The following PDSS1 variants were observed in gnomAD, a reference collection of about 807,000 sequenced individuals.
PDSS1 encodes the protein decaprenyl diphosphate synthase subunit 1, also known as all trans-polyprenyl-diphosphate synthase PDSS1.
PDSS1 carries 43 observed loss-of-function variants against 57.5 expected under a neutral mutation model. That is an observed-to-expected ratio of 0.75 (90% CI 0.59 to 0.96). The LOEUF (loss-of-function observed/expected upper bound fraction) is 0.96. PDSS1 is among the 50% of genes least tolerant of loss of function. PDSS1 has a pLI of 0.00. For synonymous variants in PDSS1, 175 were observed against 191.3 expected, an observed-to-expected ratio of 0.91 and a Z score of 0.70; for missense variants, 438 against 527.8, an observed-to-expected ratio of 0.83 and a Z score of 1.67.
intron 5 of PDSS1, among the ~76,000 whole-genome samples, chr10:26,719,831 A>C (rs1182264715): frequency 2.6e-5 from 4 of 152,210 alleles, no homozygotes; most frequent in African/African-American, 9.7e-5. Flanking sequence ...AAATACTTTT[A>C]AAAAATGCTT....
intron 6 of PDSS1, among the ~76,000 whole-genome samples, chr10:26,721,046 C>T (rs1304353924): frequency 1.3e-5 from 2 of 152,176 alleles, no homozygotes; most frequent in Admixed American, 1.3e-4. Context: ...TGGCTCATGC[C>T]TGTAATCCCA....
intron 1 of PDSS1, among the ~76,000 whole-genome samples, chr10:26,701,350 A>C (rs1398300746): frequency 2.6e-5 from 4 of 152,242 alleles, no homozygotes; most frequent in African/African-American, 9.6e-5. Context: ...TCTCCAGAGC[A>C]TGTCAGAGAC....
chr10:26,735,200 C>A (rs755480514), intron 8 of PDSS1, 40 bp from the exon 9 acceptor site: 3 of 1,459,992 alleles, frequency 2.1e-6, no homozygotes, highest in East Asian at 4.5e-5. Context: ...TTTGTTGCTG[C>A]CTGGAAGCAG....
chr10:26,735,159 T>G (rs1836348409), intron 8 of PDSS1, 81 bp from the exon 9 acceptor site: 3 of 941,376 alleles, frequency 3.2e-6, no homozygotes, highest in Admixed American at 1.7e-5. Flanking sequence ...CCTCCTATTT[T>G]AAGGAATTCC....
intron 8 of PDSS1, among the ~76,000 whole-genome samples, chr10:26,730,102 T>C (rs970330811): frequency 4.6e-5 from 7 of 151,364 alleles, no homozygotes; most frequent in East Asian, 2.0e-4. Flanking sequence ...TTAGTAGAGA[T>C]GGGGTTTCAT....
In PDSS1 at chr10:26,708,644, CTT is replaced by C. The variant is rs200260443; in HGVS notation, c.337-991_337-990del. ...GGGCCTCTATGAACCCTCAAAATGT[CTT>C]TTGCCAAATAAAGGCCAAGCCAGAT... is the stretch of plus-strand genomic sequence containing the variant. On this transcript the variant is annotated intron_variant, in intron 4 of 11. Transcript: ENST00000376215. Among the ~76,000 whole-genome samples the C allele has an allele frequency of 2.6e-4, 40 of 152,214 alleles. No individual in the cohort carries two copies. In the East Asian group the frequency reaches 7.5e-3, roughly 29 times the overall value.
chr10:26,737,029 A>G (rs1412053644), intron 10 of PDSS1, among the ~76,000 whole-genome samples: 1 of 152,220 alleles, frequency 6.6e-6, no homozygotes, highest in Admixed American at 6.5e-5. Context: ...TTGTTAGTAA[A>G]CATGAGTGAA....
intron 10 of PDSS1, among the ~76,000 whole-genome samples, chr10:26,736,141 T>G (rs565943865): frequency 6.6e-6 from 1 of 152,324 alleles, no homozygotes; most frequent in East Asian, 1.9e-4. Context: ...TAGTTCCTTC[T>G]TTCTCCGGAT....
chr10:26,713,671 T>C (rs529722341), intron 5 of PDSS1, among the ~76,000 whole-genome samples: 1 of 152,248 alleles, frequency 6.6e-6, no homozygotes, highest in South Asian at 2.1e-4. Flanking sequence ...TTGCTAACCA[T>C]GGTGTCTGGG....
chr10:26,744,772 C>T (rs1836760960), intron 11 of PDSS1, among the ~76,000 whole-genome samples: 1 of 152,102 alleles, frequency 6.6e-6, no homozygotes, highest in Non-Finnish European at 1.5e-5. Flanking sequence ...GGCTTCTGTA[C>T]AAAAAGGAAC....
Position 26,723,851 on chromosome 10 carries a change from C to G in PDSS1, c.655C>G (p.Leu219Val), listed in dbSNP as rs1835864444. The G allele has an allele frequency of 2.5e-6, 4 of 1,613,590 alleles. No homozygotes were observed. Among genetic ancestry groups the G allele is most frequent in the African/African-American group, 2.7e-5 (2 of 74,926 alleles). ...AATTCTTTCTGCAGCATCTATAGCT[C>G]TGGCACGAATTGGAAATACAACTGT... ...DLILSAASIA[L>V]ARIGNTTVIS... The change falls in exon 7 of 12, where the codon CTG becomes GTG. Residue 219 changes from leucine to valine, a missense_variant. By Grantham distance (32) the Leu-to-Val change is conservative (BLOSUM62 1). Transcript: ENST00000376215.
intron 4 of PDSS1, 122 bp from the exon 5 acceptor site, chr10:26,709,516 G>A (rs796106572): frequency 7.8e-5 from 73 of 937,386 alleles, no homozygotes; most frequent in East Asian, 4.2e-4. Flanking sequence ...AGCTGAGATC[G>A]TTCCATTGCA....
intron 2 of PDSS1, among the ~76,000 whole-genome samples, chr10:26,703,420 AGG>A (rs1835106003): frequency 2.7e-5 from 1 of 36,748 alleles, no homozygotes; most frequent in Non-Finnish European, 9.0e-5. Context: ...CTGTGGCAGG[AGG>A]ATCACTTTTG....
intron 10 of PDSS1, among the ~76,000 whole-genome samples, chr10:26,736,175 G>A (rs1836392202): frequency 6.6e-6 from 1 of 152,210 alleles, no homozygotes. Context: ...CCCCCTTAAT[G>A]TGAATGAAAG....
intron 6 of PDSS1, among the ~76,000 whole-genome samples, chr10:26,721,104 G>A (rs1588687719): frequency 6.6e-6 from 1 of 152,072 alleles, no homozygotes; most frequent in East Asian, 1.9e-4. Flanking sequence ...TCAGGAGTTC[G>A]AGACCAGCCT....
intron 8 of PDSS1, among the ~76,000 whole-genome samples, chr10:26,731,075 C>T (rs1418072726): frequency 1.3e-5 from 2 of 152,038 alleles, no homozygotes; most frequent in East Asian, 1.9e-4. Context: ...GGCGTGGTGG[C>T]ACACACCTGT....
At chr10:26,721,777 C>T (rs1389468903) in intron 6 of PDSS1, among the ~76,000 whole-genome samples, 2 of 152,192 alleles carry the variant, frequency 1.3e-5, no homozygotes, top group Non-Finnish European at 2.9e-5. Flanking sequence ...TGGTCTCCGC[C>T]TTGGCTAGCC....
intron 10 of PDSS1, among the ~76,000 whole-genome samples, chr10:26,737,631 C>A (rs1479925088): frequency 1.4e-5 from 2 of 145,886 alleles, no homozygotes; most frequent in Non-Finnish European, 3.0e-5. Context: ...ACTCGGGAGG[C>A]CAAGGAAGGA....
intron 10 of PDSS1, among the ~76,000 whole-genome samples, chr10:26,736,350 T>C (rs1384620372): frequency 6.6e-6 from 1 of 152,240 alleles, no homozygotes; most frequent in East Asian, 1.9e-4. Context: ...ATCTTAGTAG[T>C]ATTTAATTTG....
Sources: gnomAD v4.1 joint callset for allele counts (sites outside exome capture counted in the v4.1 genomes callset) on GRCh38, gnomAD v4.1.1 for gene constraint, MANE v1.5 for transcripts, NCBI Gene and HGNC (gene_info 2026-07-23, HGNC 2026-07-21) for gene names.